Variants in STAT5B observed in about 807,000 individuals in gnomAD.
The protein encoded by STAT5B is transcription factor STAT5B.
STAT5B carries 21 observed loss-of-function variants against 107.8 expected under a neutral mutation model. That is an observed-to-expected ratio of 0.19 (90% CI 0.14 to 0.28). STAT5B has a LOEUF of 0.28. Among genes scored for constraint, STAT5B ranks in the 10% least tolerant of loss-of-function variants. The pLI is 1.00. For missense variants in STAT5B, 565 were observed against 1,008.2 expected, an observed-to-expected ratio of 0.56 and a Z score of 5.95; for synonymous variants, 325 against 401.7, an observed-to-expected ratio of 0.81 and a Z score of 2.28.
chr17:42,232,056 C>T lies in STAT5B; in HGVS notation c.72G>A (p.Gln24=), dbSNP rs1215768537. The T allele has an allele frequency of 1.9e-6, 3 of 1,613,888 alleles. No homozygotes were observed. The highest frequency in any genetic ancestry group is 1.7e-6 in the Non-Finnish European group (2 of 1,179,950). Residue 24 remains glutamine, a synonymous_variant, in exon 2 of 19, where the codon CAG becomes CAA. Transcript: ENST00000293328. ...ALHQMQALYG[Q]HFPIEVRHYL... The stretch of plus-strand genomic sequence containing the variant: ...AATGCCGCACCTCAATGGGAAAATG[C>T]TGGCCATATAACGCTTGCATCTGAT...
intron 13 of STAT5B, 106 bp downstream of exon 13, chr17:42,211,878 C>T (rs1350688816): frequency 4.0e-6 from 6 of 1,507,584 alleles, no homozygotes; most frequent in Non-Finnish European, 5.4e-6. Context: ...ACTTTCGGTA[C>T]ATTTTATTAG....
At chr17:42,258,872 A>G (rs903319665) in intron 1 of STAT5B, among the ~76,000 whole-genome samples, 10 of 152,142 alleles carry the variant, frequency 6.6e-5, no homozygotes, top group Non-Finnish European at 1.3e-4. Context: ...ACTAAAAATG[A>G]TTCCCCTCCC....
rs539127173 is a variant in STAT5B at position 42,220,892 on chromosome 17, C to T, written c.551-1050G>A. 9.5e-4 allele frequency among the ~76,000 whole-genome samples: 145 copies of T among 152,262 alleles called. 2 individuals carry two copies. Among genetic ancestry groups the T allele is most frequent in the Non-Finnish European group, 1.7e-3 (115 of 68,012 alleles). On this transcript the variant is annotated intron_variant, in intron 5 of 18. Transcript: ENST00000293328. ...AAAGTAAACATGTCCACAGTTACAA[C>T]CACCACCGCAGGCCCACCCCACCCT... is the stretch of plus-strand genomic sequence containing the variant.
chr17:42,207,729 C>T lies in STAT5B; in HGVS notation c.1907-1G>A. 6.2e-7 allele frequency: 1 copy of T among 1,614,076 alleles called. No homozygotes were observed. The highest frequency in any genetic ancestry group is 8.5e-7 in the Non-Finnish European group (1 of 1,179,982). Reference sequence around the variant, plus strand: ...ATCAGATTCCAAAACATTCTTTCCTCTAGATCAATAAACAGAACAATCACA... The same window carrying T: ...ATCAGATTCCAAAACATTCTTTCCTTTAGATCAATAAACAGAACAATCACA... On this transcript the variant is annotated splice_acceptor_variant, in intron 15 of 18. Transcript: ENST00000293328. LOFTEE classifies it high-confidence loss of function.
At position 42,276,172 on chromosome 17, in the gene STAT5B, C is replaced by G. The variant is rs2080763660; in HGVS notation, c.-11+76G>C. On this transcript the variant is annotated intron_variant, in intron 1 of 18. Coordinates refer to ENST00000293328, the MANE Select transcript of STAT5B (RefSeq NM_012448.4). This position sits in a 1 kb window ranked among gnomAD's most constrained non-coding sequence, Gnocchi z 4.8. ...CTGACGGGCGGCTGAGCGGCTGGAG[C>G]GCGGGCCCCGCCCGGGCTGGCTCCC... 6.7e-6 allele frequency: 1 copy of G among 148,442 alleles called. No homozygotes were observed. The highest frequency in any genetic ancestry group is 2.4e-5 in the African/African-American group (1 of 40,948). The allele number at this position is 148,442 out of a possible 1,614,324, so 9.2% of individuals were successfully genotyped here.
At chr17:42,278,238 T>C (rs2080779903), upstream of STAT5B, among the ~76,000 whole-genome samples, 1 of 152,192 alleles carries the variant, frequency 6.6e-6, no homozygotes, top group African/African-American at 2.4e-5. Flanking sequence ...GAAGGACAAT[T>C]TCATGTTTTC....
At chr17:42,265,342 A>C (rs2080658745) in intron 1 of STAT5B, among the ~76,000 whole-genome samples, 1 of 150,090 alleles carries the variant, frequency 6.7e-6, no homozygotes, top group African/African-American at 2.5e-5. Context: ...AAATTCATCT[A>C]AATGAAACTG....
chr17:42,264,621 G>T (rs895927366), intron 1 of STAT5B, among the ~76,000 whole-genome samples: 6 of 151,990 alleles, frequency 3.9e-5, no homozygotes, highest in African/African-American at 1.5e-4. Flanking sequence ...TGGACATCTG[G>T]GTTGGTTCCA....
chr17:42,207,521 AC>A (rs1567654846), intron 16 of STAT5B, 36 bp downstream of exon 16: 52 of 1,598,346 alleles, frequency 3.3e-5, no homozygotes, highest in East Asian at 9.0e-5. Flanking sequence ...ACACACACAC[AC>A]ACAACAAAAT....
the STAT5B span, among the ~76,000 whole-genome samples, chr17:42,287,004 G>C: frequency 6.6e-6 from 1 of 152,188 alleles, no homozygotes; most frequent in Non-Finnish European, 1.5e-5. Flanking sequence ...TGGGAAAGGA[G>C]AGGAGAGGGA....
At chr17:42,279,617 G>C (rs757298200), upstream of STAT5B, among the ~76,000 whole-genome samples, 3 of 152,056 alleles carry the variant, frequency 2.0e-5, no homozygotes, top group African/African-American at 7.3e-5. Flanking sequence ...GAGAAACCTC[G>C]TCTTTACTAA....
chr17:42,245,681 C>T (rs900237137), intron 1 of STAT5B, among the ~76,000 whole-genome samples: 10 of 152,072 alleles, frequency 6.6e-5, no homozygotes, highest in Non-Finnish European at 4.4e-5. Flanking sequence ...CACCACCATG[C>T]CCGGCTAATT....
chr17:42,250,496 G>A (rs970044217), intron 1 of STAT5B, among the ~76,000 whole-genome samples: 1 of 152,114 alleles, frequency 6.6e-6, no homozygotes, highest in African/African-American at 2.4e-5. Flanking sequence ...AAAGGAATAA[G>A]CATGGGAAAT....
intron 1 of STAT5B, among the ~76,000 whole-genome samples, chr17:42,262,942 ATGTG>A (rs755220447): frequency 0.2 from 9,245 of 45,118 alleles, 1,218 homozygotes; most frequent in East Asian, 0.37. Context: ...ATGTATATAT[ATGTG>A]TGTGTGTGTG....
At chr17:42,267,844 A>G (rs1290802654) in intron 1 of STAT5B, among the ~76,000 whole-genome samples, 1 of 151,704 alleles carries the variant, frequency 6.6e-6, no homozygotes, top group Non-Finnish European at 1.5e-5. Context: ...CTGTAATCCC[A>G]GCTATTCGGG....
rs1232208607 is a variant in STAT5B, at chr17:42,260,625, TG to T, written c.-11+15622del. 3.3e-5 allele frequency among the ~76,000 whole-genome samples: 5 copies of T among 152,140 alleles called. No homozygotes were observed. In the East Asian group the frequency reaches 9.6e-4, roughly 29 times the overall value. On this transcript the variant is annotated intron_variant, in intron 1 of 18. Transcript: ENST00000293328. ...CTGGGTCTCACTATGTTGCCCAGGC[TG>T]GTCTCGAACTCCTGGACTCAAGTGA...
chr17:42,270,735 C>A (rs914180249), intron 1 of STAT5B: 2 of 152,150 alleles, frequency 1.3e-5, no homozygotes, highest in African/African-American at 4.8e-5. Context: ...GTGGCCAGCT[C>A]GCTTTTGCTG....
At chr17:42,206,917 C>T (rs1242890919) in intron 16 of STAT5B, among the ~76,000 whole-genome samples, 6 of 149,654 alleles carry the variant, frequency 4.0e-5, no homozygotes, top group Non-Finnish European at 7.4e-5. Flanking sequence ...CACCCTATTG[C>T]CCAGGCTGGA....
chr17:42,280,221 T>C, upstream of STAT5B, among the ~76,000 whole-genome samples: 1 of 151,972 alleles, frequency 6.6e-6, no homozygotes, highest in East Asian at 1.9e-4. Flanking sequence ...GAGGGTCTCA[T>C]CCCTTAGTGC....
Sources: allele counts gnomAD v4.1 joint callset (sites outside exome capture counted in the v4.1 genomes callset), GRCh38; gene constraint gnomAD v4.1.1; non-coding constraint Gnocchi (gnomAD v3.1); transcripts MANE v1.5; gene names NCBI Gene and HGNC (gene_info 2026-07-23, HGNC 2026-07-21).